The following ADAM19 variants were observed in gnomAD, a reference collection of about 807,000 sequenced individuals.
ADAM19 encodes the protein disintegrin and metalloproteinase domain-containing protein 19.
Under a neutral mutation model 114.7 loss-of-function variants are expected in ADAM19, and 65 were observed. The observed-to-expected ratio is 0.57, with a 90% CI of 0.46 to 0.70. The LOEUF (loss-of-function observed/expected upper bound fraction) is 0.70, where lower values mean the gene tolerates loss of function less well. Among genes scored for constraint, ADAM19 ranks in the 30% least tolerant of loss-of-function variants. ADAM19 has a pLI of 0.00. For synonymous variants in ADAM19, 466 were observed against 460.5 expected, an observed-to-expected ratio of 1.01 and a Z score of -0.15; for missense variants, 1,063 against 1,204.7, an observed-to-expected ratio of 0.88 and a Z score of 1.74.
At chr5:157,538,631 C>A (rs1166842517) in intron 3 of ADAM19, among the ~76,000 whole-genome samples, 5 of 152,204 alleles carry the variant, frequency 3.3e-5, no homozygotes, top group African/African-American at 1.2e-4. Context: ...TTTCCTGAGA[C>A]CTGGTAATTC....
chr5:157,519,583 C>T (rs574142825), intron 6 of ADAM19, among the ~76,000 whole-genome samples: 10 of 152,310 alleles, frequency 6.6e-5, no homozygotes, highest in Admixed American at 2.6e-4. Context: ...TGGCGCCCAG[C>T]CTTCTTTTCA....
In ADAM19 at chr5:157,479,911, A is replaced by AC; in HGVS notation, c.*1037dup. 2.0e-6 allele frequency: 2 copies of AC among 985,524 alleles called. No homozygotes were observed. Among genetic ancestry groups the AC allele is most frequent in the African/African-American group, 3.5e-5 (2 of 57,212 alleles). 61.0% of individuals were successfully genotyped at this position (985,524 alleles called of 1,614,324 possible). On this transcript the variant is annotated 3_prime_UTR_variant, in exon 23 of 23. Coordinates refer to ENST00000257527, the MANE Select transcript of ADAM19 (RefSeq NM_033274.5). Reference sequence around the variant, plus strand: ...GATTTAGCTTAGAGTAAGGAGGAAGACCCCCACCCTGCTGAGGTCACAAAA... The same window carrying AC: ...GATTTAGCTTAGAGTAAGGAGGAAGACCCCCCACCCTGCTGAGGTCACAAAA...
chr5:157,558,636 C>T (rs1271925058), intron 3 of ADAM19, among the ~76,000 whole-genome samples: 1 of 152,174 alleles, frequency 6.6e-6, no homozygotes, highest in Non-Finnish European at 1.5e-5. Flanking sequence ...GTCCTTTATC[C>T]TAGGTAAGAT....
At chr5:157,533,190 T>C (rs1203168461) in intron 4 of ADAM19, among the ~76,000 whole-genome samples, 1 of 152,196 alleles carries the variant, frequency 6.6e-6, no homozygotes, top group African/African-American at 2.4e-5. Context: ...TGCCCTTTCA[T>C]CTGCATATGA....
chr5:157,566,702 T>C (rs1757673466), intron 2 of ADAM19: 1 of 152,224 alleles, frequency 6.6e-6, no homozygotes, highest in Non-Finnish European at 1.5e-5. Context: ...ACAACTTTTT[T>C]TGAGACGGGG....
At chr5:157,532,956 G>A (rs1398097305) in intron 4 of ADAM19, among the ~76,000 whole-genome samples, 1 of 152,190 alleles carries the variant, frequency 6.6e-6, no homozygotes, top group Non-Finnish European at 1.5e-5. Context: ...AGCTAGTAGA[G>A]TACTTGGCCG....
intron 1 of ADAM19, among the ~76,000 whole-genome samples, chr5:157,572,919 G>A (rs544514389): frequency 5.3e-5 from 8 of 152,070 alleles, no homozygotes; most frequent in South Asian, 4.2e-4. Flanking sequence ...GTGTGGTGGC[G>A]CATGCCTGTA....
chr5:157,509,850 G>A (rs1255075668), intron 8 of ADAM19, among the ~76,000 whole-genome samples: 1 of 152,196 alleles, frequency 6.6e-6, no homozygotes, highest in Non-Finnish European at 1.5e-5. Context: ...TCTGCATGAT[G>A]TTCAAGTAGG....
chr5:157,479,977 C>CG lies in ADAM19; in HGVS notation c.*971_*972insC. 1 of 985,846 alleles carries CG rather than the reference C, an allele frequency of 1.0e-6. No individual in the cohort carries two copies. Among genetic ancestry groups the CG allele is most frequent in the Non-Finnish European group, 1.2e-6 (1 of 829,940 alleles). The allele number at this position is 985,846 out of a possible 1,614,324, so 61.1% of individuals were successfully genotyped here. On this transcript the variant is annotated 3_prime_UTR_variant, in exon 23 of 23. Transcript: ENST00000257527. ...ACATATGACCCCAATGGCCATGCCC[C>CG]AAGTCTACTCTGGTCACACTCCTGA...
At chr5:157,519,805 G>A (rs754656623) in intron 6 of ADAM19, 34 bp downstream of exon 6, 1 of 1,573,708 alleles carries the variant, frequency 6.4e-7, no homozygotes, top group Non-Finnish European at 8.6e-7. Context: ...CCTGTCCCCA[G>A]GTTGATTTCT....
At position 157,499,665 on chromosome 5, in the gene ADAM19, G is replaced by A. The variant is rs1212349373; in HGVS notation, c.1309-3C>T. ...TTGCAGCAGGGGTTGTTACATTCCT[G>A]GGGAGGCAGTGGGGTGGGTGTGAGT... On this transcript the variant is annotated splice_region_variant and splice_polypyrimidine_tract_variant and intron_variant, in intron 12 of 22. Coordinates refer to ENST00000257527, the MANE Select transcript of ADAM19 (RefSeq NM_033274.5). 2 of 1,604,680 alleles carry A rather than the reference G, an allele frequency of 1.2e-6. No homozygotes were observed. The highest frequency in any genetic ancestry group is 1.7e-6 in the Non-Finnish European group (2 of 1,175,362).
chr5:157,478,673 G>C lies in ADAM19; in HGVS notation c.*2276C>G, dbSNP rs1321841651. On this transcript the variant is annotated 3_prime_UTR_variant, in exon 23 of 23. Coordinates refer to ENST00000257527, the MANE Select transcript of ADAM19 (RefSeq NM_033274.5). ...CCAGGAGTGAAGCATTAGTAGAACT[G>C]GTTGCCGAAAGTCTATCAAATTCCA... is the stretch of plus-strand genomic sequence containing the variant. 2 of 985,876 alleles carry C rather than the reference G, an allele frequency of 2.0e-6. No homozygotes were observed. The highest frequency in any genetic ancestry group is 2.4e-6 in the Non-Finnish European group (2 of 829,948). 61.1% of individuals were successfully genotyped at this position (985,876 alleles called of 1,614,324 possible).
intron 18 of ADAM19, 144 bp downstream of exon 18, chr5:157,491,471 T>C (rs1755153560): frequency 1.7e-6 from 1 of 592,324 alleles, no homozygotes; most frequent in Non-Finnish European, 2.8e-6. Context: ...TCCTCTCTCT[T>C]GGTCTGTCTT....
intron 1 of ADAM19, among the ~76,000 whole-genome samples, chr5:157,572,108 C>G (rs761192728): frequency 1.3e-5 from 2 of 151,556 alleles, no homozygotes; most frequent in Admixed American, 6.6e-5. Flanking sequence ...TCTTTTGAGA[C>G]GGAGTCTCGC....
At chr5:157,533,687 C>T (rs1300703280) in intron 4 of ADAM19, among the ~76,000 whole-genome samples, 2 of 152,174 alleles carry the variant, frequency 1.3e-5, no homozygotes, top group South Asian at 2.1e-4. Context: ...AGAACTGAGG[C>T]CAGGCGCGGT....
chr5:157,506,014 TGA>T (rs1363965190), intron 10 of ADAM19, among the ~76,000 whole-genome samples: 8 of 152,240 alleles, frequency 5.3e-5, no homozygotes, highest in Non-Finnish European at 1.0e-4. Context: ...CCATGTTTCC[TGA>T]GTTCTCAAAG....
intron 21 of ADAM19, among the ~76,000 whole-genome samples, chr5:157,483,116 G>A (rs1001952277): frequency 5.9e-5 from 9 of 152,108 alleles, no homozygotes; most frequent in East Asian, 3.9e-4. Flanking sequence ...TGTAGATGAC[G>A]GGTTGATGGG....
chr5:157,570,656 T>C lies in ADAM19; in HGVS notation c.180+239A>G, dbSNP rs566356468. 7 of 435,920 alleles carry C rather than the reference T, an allele frequency of 1.6e-5. No individual in the cohort carries two copies. In the South Asian group the frequency reaches 2.1e-4, roughly 13 times the overall value. 27.0% of individuals were successfully genotyped at this position (435,920 alleles called of 1,614,324 possible). A position where few individuals can be genotyped will look rare whatever the true frequency, so the allele number is the denominator to read the frequency against. ...GACACCAACACATCTGCACTTAGCT[T>C]GTGTCAGCATTAATGTGAATTTTCA... On this transcript the variant is annotated intron_variant, in intron 2 of 22. Coordinates refer to ENST00000257527, the MANE Select transcript of ADAM19 (RefSeq NM_033274.5).
Position 157,488,315 on chromosome 5 carries a change from G to T in ADAM19, c.2500C>A (p.Pro834Thr). 1.2e-6 allele frequency: 2 copies of T among 1,614,162 alleles called. No individual in the cohort carries two copies. Among genetic ancestry groups the T allele is most frequent in the African/African-American group, 2.7e-5 (2 of 75,046 alleles). ...GGGGGAATTGGCCGGCTTGGAGGAGGCCTCCTGGACGACTCCGTCCTCTCT... is the reference window on the plus strand; with the variant it reads ...GGGGGAATTGGCCGGCTTGGAGGAGTCCTCCTGGACGACTCCGTCCTCTCT... ...QIERTESSRRPPPSRPIPPAP... is the reference protein window; with the variant it reads ...QIERTESSRRTPPSRPIPPAP... The change falls in exon 21 of 23, where the codon CCT becomes ACT. Residue 834 changes from proline to threonine, a missense_variant. Physicochemically the swap from Pro to Thr is conservative, Grantham distance 38. Transcript: ENST00000257527.
Sources: gnomAD v4.1 joint callset for allele counts (sites outside exome capture counted in the v4.1 genomes callset) on GRCh38, gnomAD v4.1.1 for gene constraint, MANE v1.5 for transcripts, NCBI Gene and HGNC (gene_info 2026-07-23, HGNC 2026-07-21) for gene names.